BCOR: variants seen among roughly 807,000 people sequenced by gnomAD.
BCOR encodes BCL-6 corepressor.
BCOR carries 10 observed loss-of-function variants against 86.7 expected under a neutral mutation model. The observed-to-expected ratio is 0.12, with a 90% CI of 0.07 to 0.20. BCOR has a LOEUF of 0.20. Ranked by LOEUF, BCOR falls within the 10% of genes least tolerant of loss-of-function variation. The pLI is 1.00. For synonymous variants in BCOR, 611 were observed against 609.0 expected (o/e 1.00, Z -0.05); for missense variants, 1,259 against 1,452.1 (o/e 0.87, Z 2.16).
At chrX:40,079,885 A>G (rs948520187) in intron 1 of BCOR, among the ~76,000 whole-genome samples, 1 of 109,585 alleles carries the variant, frequency 9.1e-6, no homozygotes, top group East Asian at 2.9e-4. Context: ...GCCCTTTCTA[A>G]CAAAAGGAAG....
chrX:40,135,032 T>G (rs1383125152), intron 1 of BCOR, among the ~76,000 whole-genome samples: 1 of 111,495 alleles, frequency 9.0e-6, no homozygotes, highest in Non-Finnish European at 1.9e-5. Context: ...AATCATCACT[T>G]TCTGCAGAGA....
At chrX:40,120,448 T>G (rs1346254493) in intron 1 of BCOR, among the ~76,000 whole-genome samples, 1 of 111,970 alleles carries the variant, frequency 8.9e-6, no homozygotes. Context: ...AAACCGACCC[T>G]TCACCAAATC....
rs78429047 is a variant in BCOR at position 40,119,435 on chromosome X, G to A, written c.-40-41466C>T. The stretch of plus-strand genomic sequence containing the variant: ...CTCCTGTAATCCCAGCACTTTAGGA[G>A]GCAGAGGTGGGTGGATCGCTTGAGC... On this transcript the variant is annotated intron_variant, in intron 1 of 14. Transcript: ENST00000342274. 5.4e-4 allele frequency among the ~76,000 whole-genome samples: 60 copies of A among 110,840 alleles called. 1 individual carries two copies. The East Asian group carries it at 0.016, about 30-fold the overall frequency.
At chrX:40,066,670 G>A (rs1004916444) in intron 6 of BCOR, among the ~76,000 whole-genome samples, 1 of 111,837 alleles carries the variant, frequency 8.9e-6, no homozygotes, top group African/African-American at 3.3e-5. Context: ...TGTGGGAGGG[G>A]CTGGGGGTGC....
chrX:40,176,146 G>A (rs1265152228), intron 1 of BCOR, among the ~76,000 whole-genome samples: 1 of 113,125 alleles, frequency 8.8e-6, no homozygotes, highest in African/African-American at 3.2e-5. Context: ...GGCCACCAAT[G>A]TCTTCCAGGT....
chrX:40,172,284 C>T (rs1211674009), intron 1 of BCOR, among the ~76,000 whole-genome samples: 1 of 112,657 alleles, frequency 8.9e-6, no homozygotes, highest in Admixed American at 9.3e-5. Flanking sequence ...CTCCTCTGAT[C>T]CCCGGGCCAT....
intron 1 of BCOR, among the ~76,000 whole-genome samples, chrX:40,107,089 A>C (rs935426123): frequency 8.9e-6 from 1 of 112,556 alleles, no homozygotes; most frequent in African/African-American, 3.2e-5. Context: ...CAGTCGGTGA[A>C]GAAGGGGAGG....
At chrX:40,110,354 A>C (rs1937279337) in intron 1 of BCOR, among the ~76,000 whole-genome samples, 1 of 111,778 alleles carries the variant, frequency 8.9e-6, no homozygotes, top group Non-Finnish European at 1.9e-5. Flanking sequence ...CTTTGATTAA[A>C]TATACAATTT....
At chrX:40,144,483 G>C (rs1937996207) in intron 1 of BCOR, among the ~76,000 whole-genome samples, 1 of 111,944 alleles carries the variant, frequency 8.9e-6, no homozygotes, top group African/African-American at 3.2e-5. Flanking sequence ...AGAGGCCTTT[G>C]TTAGGTGGAT....
intron 1 of BCOR, among the ~76,000 whole-genome samples, chrX:40,126,142 G>A (rs1370913600): frequency 9.2e-6 from 1 of 108,792 alleles, no homozygotes; most frequent in Non-Finnish European, 1.9e-5. Context: ...CTTGAACCTG[G>A]GAGGCGGAGG....
chrX:40,166,369 C>G (rs1186173952), intron 1 of BCOR, among the ~76,000 whole-genome samples: 2 of 112,111 alleles, frequency 1.8e-5, no homozygotes, highest in African/African-American at 6.5e-5. Context: ...TGCCCCTTCA[C>G]CCCGGCTCTA....
chrX:40,115,591 C>T (rs1037524219), intron 1 of BCOR, among the ~76,000 whole-genome samples: 6 of 110,326 alleles, frequency 5.4e-5, no homozygotes, highest in Admixed American at 1.9e-4. Flanking sequence ...GCCTAGCCAA[C>T]ATGGCGTAAA....
rs761883294 is a variant in BCOR, at chrX:40,072,860, T to C, written c.2486A>G (p.Glu829Gly). The C allele has an allele frequency of 5.8e-6, 7 of 1,209,836 alleles. No homozygotes were observed. Among genetic ancestry groups the C allele is most frequent in the African/African-American group, 3.5e-5 (2 of 57,042 alleles). ...GGGCTCAGCGCTCTGGCCAACACTC[T>C]CTGCTGCAAAGCTGGGTTTGGACAC... ...TNVSKPSFAA[E>G]SVGQSAEPPK... The change falls in exon 4 of 15, where the codon GAG (glutamate) becomes GGG (glycine). Residue 829 changes from glutamate (E) to glycine (G), a missense_variant. Coordinates refer to ENST00000378444, the MANE Select transcript of BCOR (RefSeq NM_001123385.2).
chrX:40,105,906 A>G (rs1373721945), intron 1 of BCOR, among the ~76,000 whole-genome samples: 3 of 112,460 alleles, frequency 2.7e-5, no homozygotes, highest in Non-Finnish European at 5.6e-5. Context: ...CAGATGGGGC[A>G]AAACCTGTTT....
Position 40,074,905 on chromosome X carries a change from A to G in BCOR, c.441T>C (p.Ala147=), listed in dbSNP as rs200813932. Residue 147 remains alanine (A), a synonymous_variant, in exon 4 of 15, where the codon GCT becomes GCC. Coordinates refer to ENST00000378444, the MANE Select transcript of BCOR (RefSeq NM_001123385.2). ...GTATTCCAGGCGGTGTTTTGTATAT[A>G]GCACTGAAGCCATTTGGGGGTTTTC... ...VSGKPPNGFS[A]IYKTPPGIQK... 3.3e-6 allele frequency: 4 copies of G among 1,208,729 alleles called. No individual in the cohort carries two copies.
At chrX:40,076,676 C>T (rs1375088196) in intron 2 of BCOR, 144 bp from the exon 3 acceptor site, 4 of 466,474 alleles carry the variant, frequency 8.6e-6, no homozygotes, top group Non-Finnish European at 1.6e-5. Context: ...GTCAATGGCC[C>T]ATATTGAAAG....
At chrX:40,053,821 T>C in intron 14 of BCOR, 65 bp downstream of exon 14, 2 of 1,177,198 alleles carry the variant, frequency 1.7e-6, no homozygotes, top group Non-Finnish European at 2.3e-6. Context: ...TCAAAGCGCA[T>C]TTCTAACTCC....
chrX:40,158,530 G>T (rs1003352934), intron 1 of BCOR, among the ~76,000 whole-genome samples: 1 of 112,674 alleles, frequency 8.9e-6, no homozygotes, highest in African/African-American at 3.2e-5. Context: ...GTGGCCTGTA[G>T]TGTCGCCCCT....
At chrX:40,160,984 T>A (rs1372458191) in intron 1 of BCOR, among the ~76,000 whole-genome samples, 5 of 106,523 alleles carry the variant, frequency 4.7e-5, no homozygotes, top group Non-Finnish European at 9.7e-5. Flanking sequence ...CTTTTTTATT[T>A]TTTTTTTTTA....
Sources: allele counts gnomAD v4.1 joint callset (sites outside exome capture counted in the v4.1 genomes callset), GRCh38; gene constraint gnomAD v4.1.1; transcripts MANE v1.5; gene names NCBI Gene and HGNC (gene_info 2026-07-23, HGNC 2026-07-21).